GPC5: variants seen among roughly 807,000 people sequenced by gnomAD.
GPC5 encodes glypican 5, also known as glypican-5.
GPC5 carries 47 observed loss-of-function variants against 53.9 expected under a neutral mutation model. That is an observed-to-expected ratio of 0.87 (90% CI 0.69 to 1.11). GPC5 has a LOEUF of 1.11. GPC5 is among the 50% of genes most tolerant of loss of function. The pLI, the probability that GPC5 is intolerant of heterozygous loss-of-function variation, is 0.00. For synonymous variants in GPC5, 286 were observed against 263.3 expected, an observed-to-expected ratio of 1.09 and a Z score of -0.84; for missense variants, 748 against 713.1, an observed-to-expected ratio of 1.05 and a Z score of -0.56.
intron 6 of GPC5, among the ~76,000 whole-genome samples, chr13:92,056,708 C>T (rs2041077278): frequency 6.6e-6 from 1 of 152,080 alleles, no homozygotes; most frequent in Non-Finnish European, 1.5e-5. Context: ...TCAGTGTGTA[C>T]ATTTTGGGTT....
chr13:92,416,470 G>C (rs1222864033), intron 7 of GPC5, among the ~76,000 whole-genome samples: 1 of 152,150 alleles, frequency 6.6e-6, no homozygotes, highest in African/African-American at 2.4e-5. Flanking sequence ...AAGCAATGGA[G>C]ATAGAATAGT....
intron 6 of GPC5, among the ~76,000 whole-genome samples, chr13:91,962,655 C>G (rs1004347778): frequency 1.1e-4 from 17 of 152,008 alleles, no homozygotes; most frequent in African/African-American, 4.1e-4. Flanking sequence ...ATAAAATGGA[C>G]TCTCAGTAGT....
intron 4 of GPC5, among the ~76,000 whole-genome samples, chr13:91,733,052 G>A (rs938112000): frequency 3.9e-5 from 6 of 152,118 alleles, no homozygotes; most frequent in African/African-American, 1.4e-4. Context: ...TTCTAATTCT[G>A]TGAAGAATGT....
intron 6 of GPC5, among the ~76,000 whole-genome samples, chr13:91,987,130 A>C (rs2040415477): frequency 6.6e-6 from 1 of 152,238 alleles, no homozygotes; most frequent in African/African-American, 2.4e-5. Flanking sequence ...GTGTTTCCTT[A>C]AACAACTTTT....
chr13:91,516,422 A>G lies in GPC5; in HGVS notation c.325+67500A>G, dbSNP rs543629208. ...GGGGCAGTCAAATTTTAAAGCTCCA[A>G]AATGACCTCCTTTGACTCAAGTTCT... is the stretch of plus-strand genomic sequence containing the variant. On this transcript the variant is annotated intron_variant, in intron 2 of 7. Transcript: ENST00000377067. Among the ~76,000 whole-genome samples, 9 of 152,316 alleles carry G rather than the reference A, an allele frequency of 5.9e-5. No individual in the cohort carries two copies. The South Asian group carries it at 1.9e-3, about 32-fold the overall frequency.
chr13:92,531,576 T>A (rs2138987983), intron 7 of GPC5, among the ~76,000 whole-genome samples: 1 of 152,250 alleles, frequency 6.6e-6, no homozygotes, highest in Non-Finnish European at 1.5e-5. Flanking sequence ...ATAAACAGAT[T>A]AAATCTTATG....
chr13:92,180,529 T>C (rs1458586545), intron 7 of GPC5, among the ~76,000 whole-genome samples: 2 of 152,186 alleles, frequency 1.3e-5, no homozygotes, highest in Non-Finnish European at 2.9e-5. Context: ...AACACATTTA[T>C]TCATTAACCA....
intron 7 of GPC5, among the ~76,000 whole-genome samples, chr13:92,774,416 G>A (rs1164007483): frequency 6.6e-6 from 1 of 152,044 alleles, no homozygotes; most frequent in Non-Finnish European, 1.5e-5. Context: ...TTTTTCCCAG[G>A]TTTCTGACAT....
chr13:92,383,557 C>T (rs995290538), intron 7 of GPC5, among the ~76,000 whole-genome samples: 2 of 152,148 alleles, frequency 1.3e-5, no homozygotes, highest in African/African-American at 4.8e-5. Context: ...TATATGGACT[C>T]TTCTTGCATT....
chr13:92,375,890 C>T (rs1330350145), intron 7 of GPC5, among the ~76,000 whole-genome samples: 2 of 152,130 alleles, frequency 1.3e-5, no homozygotes, highest in South Asian at 2.1e-4. Context: ...TGATTGACTA[C>T]CTGAGAAAGG....
intron 6 of GPC5, among the ~76,000 whole-genome samples, chr13:92,032,753 C>T (rs1325589622): frequency 1.3e-5 from 2 of 152,164 alleles, no homozygotes; most frequent in East Asian, 1.9e-4. Flanking sequence ...AATGGAACGA[C>T]GCTAAAGTCC....
chr13:92,438,006 CAT>C (rs772642875), intron 7 of GPC5, among the ~76,000 whole-genome samples: 1 of 151,914 alleles, frequency 6.6e-6, no homozygotes, highest in Non-Finnish European at 1.5e-5. Context: ...GCATATATAC[CAT>C]ATAATTTAAC....
At position 92,339,451 on chromosome 13, in the gene GPC5, C is replaced by T. The variant is rs532629544; in HGVS notation, c.1561+194462C>T. 1.2e-4 allele frequency among the ~76,000 whole-genome samples: 18 copies of T among 152,092 alleles called. No individual in the cohort carries two copies. The South Asian group carries it at 3.3e-3, about 28-fold the overall frequency. On this transcript the variant is annotated intron_variant, in intron 7 of 7. Transcript: ENST00000377067. ...TTTGGATAAGACGGGCTCATCTTAT[C>T]GCATCAAAATTGAGAAATATATACA...
intron 7 of GPC5, among the ~76,000 whole-genome samples, chr13:92,862,626 C>CAGATAGAT (rs369002690): frequency 0.028 from 3,569 of 129,708 alleles, 54 homozygotes; most frequent in Middle Eastern, 0.037. Flanking sequence ...GATAGATAGA[C>CAGATAGAT]AGATAGATAG....
chr13:92,247,731 C>T (rs185932731), intron 7 of GPC5, among the ~76,000 whole-genome samples: 2 of 152,106 alleles, frequency 1.3e-5, no homozygotes, highest in African/African-American at 4.8e-5. Context: ...TTGGTTTCAT[C>T]CTATGTTTAA....
intron 7 of GPC5, among the ~76,000 whole-genome samples, chr13:92,386,561 C>T (rs1044080396): frequency 3.9e-5 from 6 of 151,976 alleles, no homozygotes; most frequent in African/African-American, 1.4e-4. Context: ...TTGTGTGTAG[C>T]ACAATAGTCA....
chr13:92,592,183 C>T (rs1396783041), intron 7 of GPC5, among the ~76,000 whole-genome samples: 2 of 152,178 alleles, frequency 1.3e-5, no homozygotes, highest in African/African-American at 4.8e-5. Context: ...TCATCCACAT[C>T]CCCTCCTAGC....
intron 2 of GPC5, among the ~76,000 whole-genome samples, chr13:91,634,026 T>C (rs1185001266): frequency 6.6e-6 from 1 of 152,156 alleles, no homozygotes; most frequent in Non-Finnish European, 1.5e-5. Flanking sequence ...GCTCTCCATC[T>C]GCCTGACTCC....
At chr13:91,740,937 T>C (rs1277169689) in intron 4 of GPC5, among the ~76,000 whole-genome samples, 2 of 152,096 alleles carry the variant, frequency 1.3e-5, no homozygotes, top group Non-Finnish European at 2.9e-5. Flanking sequence ...AAGTAGGTAA[T>C]TAGGAAAACC....
Sources: gnomAD v4.1 joint callset for allele counts (sites outside exome capture counted in the v4.1 genomes callset) on GRCh38, gnomAD v4.1.1 for gene constraint, MANE v1.5 for transcripts, NCBI Gene and HGNC (gene_info 2026-07-23, HGNC 2026-07-21) for gene names.